SLC4A5: variants seen among roughly 807,000 people sequenced by gnomAD.
The protein encoded by SLC4A5 is solute carrier family 4 member 5, also known as electrogenic sodium bicarbonate cotransporter 4.
A neutral mutation model predicts 120.4 loss-of-function variants in SLC4A5; 96 were observed. The ratio of observed to expected loss-of-function variants is 0.80; its 90% CI spans 0.68 to 0.94. The LOEUF (loss-of-function observed/expected upper bound fraction) is 0.94, where lower values mean the gene tolerates loss of function less well. SLC4A5 is among the 40% of genes least tolerant of loss of function. The pLI is 0.00. For missense variants in SLC4A5, 1,259 were observed against 1,459.5 expected, an observed-to-expected ratio of 0.86 and a Z score of 2.24; for synonymous variants, 550 against 571.1, an observed-to-expected ratio of 0.96 and a Z score of 0.53.
At position 74,340,200 on chromosome 2, in the gene SLC4A5, T is replaced by C. The variant is rs180938714; in HGVS notation, c.-269-1297A>G. Among the ~76,000 whole-genome samples the C allele has an allele frequency of 1.3e-3, 191 of 152,380 alleles. 1 individual carries two copies. The highest frequency in any genetic ancestry group is 4.4e-3 in the African/African-American group (182 of 41,596). ...AAAATAGTTAAAATGGTCAATCTTA[T>C]GCTTATTTTGCCATAAAAGGAAATC... On this transcript the variant is annotated intron_variant, in intron 2 of 30. Transcript: ENST00000394019.
Position 74,232,104 on chromosome 2 carries a change from G to A in SLC4A5, c.2774+365C>T, listed in dbSNP as rs369555217. ...TAGAGACTGAGCAGGACCTGAACCCGCAGGAGGGCCATCAGGGCAGTAGGG... is the reference window on the plus strand; with the variant it reads ...TAGAGACTGAGCAGGACCTGAACCCACAGGAGGGCCATCAGGGCAGTAGGG... On this transcript the variant is annotated intron_variant, in intron 24 of 30. Transcript: ENST00000394019. Among the ~76,000 whole-genome samples, 150 of 152,270 alleles carry A rather than the reference G, an allele frequency of 9.9e-4. 1 individual carries two copies. Among genetic ancestry groups the A allele is most frequent in the African/African-American group, 3.4e-3 (142 of 41,528 alleles).
At chr2:74,280,637 C>T (rs1478070402) in intron 8 of SLC4A5, among the ~76,000 whole-genome samples, 2 of 151,950 alleles carry the variant, frequency 1.3e-5, no homozygotes, top group Non-Finnish European at 2.9e-5. Flanking sequence ...GGGATGCCTA[C>T]TGCCCCATAC....
chr2:74,313,974 T>C (rs1372087614), intron 6 of SLC4A5, among the ~76,000 whole-genome samples: 1 of 152,172 alleles, frequency 6.6e-6, no homozygotes, highest in Non-Finnish European at 1.5e-5. Flanking sequence ...AACTCATCTG[T>C]AATGTGGGAA....
chr2:74,248,251 A>C, intron 18 of SLC4A5, 102 bp downstream of exon 18: 52 of 1,461,530 alleles, frequency 3.6e-5, no homozygotes, highest in Non-Finnish European at 4.2e-5. Context: ...CTTTGGCACC[A>C]CCGCACCACC....
chr2:74,310,000 C>A (rs976092293), intron 6 of SLC4A5, among the ~76,000 whole-genome samples: 1 of 152,038 alleles, frequency 6.6e-6, no homozygotes, highest in African/African-American at 2.4e-5. Flanking sequence ...TGATTTCTTT[C>A]ATTACTTTTA....
intron 28 of SLC4A5, 75 bp from the exon 29 acceptor site, chr2:74,223,027 C>CTCTGTCTCAAAA: frequency 2.1e-6 from 2 of 950,848 alleles, no homozygotes; most frequent in Non-Finnish European, 3.1e-6. Flanking sequence ...TTTTTTGAGA[C>CTCTGTCTCAAAA]AGAGTCTCGC....
chr2:74,233,811 A>G lies in SLC4A5; in HGVS notation c.2434-248T>C, dbSNP rs1489764368. ...TGCTGCAACAGCCCTGGGGTTTGTC[A>G]GGAAACATGGAGGTGAAGGTCAGAG... On this transcript the variant is annotated intron_variant, in intron 22 of 30. Coordinates refer to ENST00000394019, the Ensembl canonical transcript of SLC4A5. Among the ~76,000 whole-genome samples, 7 of 152,322 alleles carry G rather than the reference A, an allele frequency of 4.6e-5. No individual in the cohort carries two copies. The East Asian group carries it at 7.7e-4, about 17-fold the overall frequency.
intron 30 of SLC4A5, among the ~76,000 whole-genome samples, chr2:74,221,019 T>C (rs997261968): frequency 7.1e-6 from 1 of 141,648 alleles, no homozygotes; most frequent in Non-Finnish European, 1.6e-5. Context: ...TTTTTTGTAT[T>C]TTTTTAGTAG....
chr2:74,296,786 CAAAAAAAAAA>C (rs11374814), intron 7 of SLC4A5, among the ~76,000 whole-genome samples: 1 of 73,046 alleles, frequency 1.4e-5, no homozygotes, highest in Non-Finnish European at 3.0e-5. Flanking sequence ...GACTCTGTCT[CAAAAAAAAAA>C]AAAAAAAAAA....
intron 25 of SLC4A5, among the ~76,000 whole-genome samples, chr2:74,230,410 C>G (rs1242326165): frequency 1.3e-5 from 2 of 152,112 alleles, no homozygotes; most frequent in Non-Finnish European, 2.9e-5. Context: ...TGTGGTGGGA[C>G]ATAAGCAAGA....
chr2:74,226,984 C>T (rs780444537), exon 27 of SLC4A5: 25 of 1,613,756 alleles, frequency 1.5e-5, no homozygotes, highest in Admixed American at 6.7e-5. Context: ...TGGCAGCCAC[C>T]GTGGATTTGA....
At chr2:74,241,233 C>T (rs1558873100) in intron 20 of SLC4A5, among the ~76,000 whole-genome samples, 3 of 147,274 alleles carry the variant, frequency 2.0e-5, no homozygotes, top group African/African-American at 7.7e-5. Flanking sequence ...ACTTCCCCTT[C>T]CTTTGTGTGC....
intron 26 of SLC4A5, 81 bp from the exon 27 acceptor site, chr2:74,227,211 G>A (rs974189104): frequency 1.4e-6 from 2 of 1,458,574 alleles, no homozygotes; most frequent in African/African-American, 1.4e-5. Context: ...AGGGGTGCCT[G>A]GGTGGGGTCT....
At position 74,227,841 on chromosome 2, in the gene SLC4A5, T is replaced by G. The variant is rs780742049; in HGVS notation, c.2885A>C (p.Tyr962Ser). 2.5e-6 allele frequency: 4 copies of G among 1,612,198 alleles called. No homozygotes were observed. In the South Asian group the frequency reaches 4.4e-5, roughly 18 times the overall value. The change falls in exon 26 of 31, where the codon TAC (tyrosine) becomes TCC (serine). Residue 962 changes from tyrosine (Y) to serine (S), a missense_variant. By Grantham distance (144) the Tyr-to-Ser change is moderately radical. Coordinates refer to ENST00000394019, the Ensembl canonical transcript of SLC4A5. ...GCCATTCAGGGAGGCCACGCCCATGTAGAGGAAGACTCCGTACAGCACCGG... is the reference window on the plus strand; with the variant it reads ...GCCATTCAGGGAGGCCACGCCCATGGAGAGGAAGACTCCGTACAGCACCGG...
chr2:74,293,324 G>A (rs370988549), intron 7 of SLC4A5, among the ~76,000 whole-genome samples: 3 of 152,166 alleles, frequency 2.0e-5, no homozygotes, highest in Non-Finnish European at 2.9e-5. Context: ...TTCCTGGGGT[G>A]GGTGGCTTTG....
rs371796105 is a variant in SLC4A5, at chr2:74,255,870, G to A, written c.930C>T (p.Gly310=). The change falls in exon 13 of 31, where the codon GGC becomes GGT. Residue 310 remains glycine, a synonymous_variant. Coordinates refer to ENST00000394019, the Ensembl canonical transcript of SLC4A5. The surrounding 1 kb of genome is among the most constrained non-coding windows in gnomAD (Gnocchi z 4.0). ...ATGGCTGGTCTAGGAAGTCCACCTC[G>A]CCCACGAGCACGTTGGACGCTTCTG... The A allele has an allele frequency of 8.0e-5, 129 of 1,614,028 alleles. No individual in the cohort carries two copies. The highest frequency in any genetic ancestry group is 3.8e-4 in the East Asian group (17 of 44,888).
intron 19 of SLC4A5, among the ~76,000 whole-genome samples, chr2:74,244,584 C>T (rs1467859157): frequency 1.3e-5 from 2 of 151,090 alleles, no homozygotes; most frequent in African/African-American, 4.9e-5. Context: ...CTTCCTCCTC[C>T]TCCTCCTCCT....
At chr2:74,275,636 G>A (rs1242337680) in intron 8 of SLC4A5, among the ~76,000 whole-genome samples, 1 of 152,140 alleles carries the variant, frequency 6.6e-6, no homozygotes, top group Non-Finnish European at 1.5e-5. Context: ...CAAGGTTGAG[G>A]AGACCTCTCT....
exon 8 of SLC4A5, chr2:74,285,898 G>A: frequency 6.3e-7 from 1 of 1,597,826 alleles, no homozygotes; most frequent in Non-Finnish European, 8.5e-7. Context: ...CAGCAGCTGG[G>A]GACCCTGCAA....
Sources: gnomAD v4.1 joint callset for allele counts (sites outside exome capture counted in the v4.1 genomes callset) on GRCh38, gnomAD v4.1.1 for gene constraint, Gnocchi (gnomAD v3.1) non-coding constraint, MANE v1.5 for transcripts, NCBI Gene and HGNC (gene_info 2026-07-23, HGNC 2026-07-21) for gene names.